Variants in PALD1 observed in about 807,000 individuals in gnomAD.
The protein encoded by PALD1 is phosphatase domain containing paladin 1.
PALD1 carries 57 observed loss-of-function variants against 96.0 expected under a neutral mutation model. The ratio of observed to expected loss-of-function variants is 0.59; its 90% CI spans 0.48 to 0.74. PALD1 has a LOEUF of 0.74. Among genes scored for constraint, PALD1 ranks in the 30% least tolerant of loss-of-function variants. The pLI is 0.00. For missense variants in PALD1, 1,063 were observed against 1,143.7 expected, an observed-to-expected ratio of 0.93 and a Z score of 1.02; for synonymous variants, 464 against 473.6, an observed-to-expected ratio of 0.98 and a Z score of 0.26.
rs548565635 is a variant in PALD1, at chr10:70,561,630, C to T, written c.2263-2734C>T. Among the ~76,000 whole-genome samples, 3 of 152,292 alleles carry T rather than the reference C, an allele frequency of 2.0e-5. No individual in the cohort carries two copies. The South Asian group carries it at 6.2e-4, about 32-fold the overall frequency. Reference sequence around the variant, plus strand: ...CTGTGGCAGCCATGGGCCATTCCCGCCCTCAAATCCCCAGAAACCCTCACT... The same window carrying T: ...CTGTGGCAGCCATGGGCCATTCCCGTCCTCAAATCCCCAGAAACCCTCACT... On this transcript the variant is annotated intron_variant, in intron 18 of 19. Transcript: ENST00000263563.
At chr10:70,489,024 C>T (rs921787294) in intron 1 of PALD1, among the ~76,000 whole-genome samples, 6 of 152,246 alleles carry the variant, frequency 3.9e-5, no homozygotes, top group South Asian at 2.1e-4. Flanking sequence ...GGCTTCTTCC[C>T]GTCTCTCTGA....
intron 1 of PALD1, among the ~76,000 whole-genome samples, chr10:70,488,354 G>T (rs1846045957): frequency 6.6e-6 from 1 of 152,040 alleles, no homozygotes; most frequent in Non-Finnish European, 1.5e-5. Context: ...CTCCTGGACT[G>T]AAGTGATCTG....
At position 70,538,317 on chromosome 10, in the gene PALD1, T is replaced by C; in HGVS notation, c.1361T>C (p.Leu454Pro). 1.2e-6 allele frequency: 2 copies of C among 1,606,278 alleles called. No individual in the cohort carries two copies. Among genetic ancestry groups the C allele is most frequent in the South Asian group, 1.1e-5 (1 of 91,080 alleles). Residue 454 changes from leucine to proline, a missense_variant, in exon 12 of 20, where the codon CTG becomes CCG. Leu to Pro is a moderately conservative substitution (Grantham distance 98). Coordinates refer to ENST00000263563, the MANE Select transcript of PALD1 (RefSeq NM_014431.3). ...LAFALSFSRW[L>P]CAHPELYRLP... ...TTTGCCCTCAGTTTCAGCCGCTGGC[T>C]GTGTGCCCACCCTGAGCTGTACCGC...
At chr10:70,508,784 C>CGTGTGTGTGTGTGTGT (rs111850326) in intron 1 of PALD1, among the ~76,000 whole-genome samples, 51 of 100,070 alleles carry the variant, frequency 5.1e-4, no homozygotes, top group Non-Finnish European at 7.9e-4. Context: ...CTCTGTATGG[C>CGTGTGTGTGTGTGTGT]GTGTGTGTGT....
At chr10:70,560,426 T>TAAACAAACAAAC (rs71472979) in intron 18 of PALD1, among the ~76,000 whole-genome samples, 5 of 151,664 alleles carry the variant, frequency 3.3e-5, no homozygotes, top group Admixed American at 6.6e-5. Flanking sequence ...AAGCATGTGC[T>TAAACAAACAAAC]AAACAAACAA....
chr10:70,546,198 C>T (rs1847358733), intron 17 of PALD1, among the ~76,000 whole-genome samples: 1 of 152,148 alleles, frequency 6.6e-6, no homozygotes, highest in Non-Finnish European at 1.5e-5. Flanking sequence ...GATCTCACCA[C>T]TACACTCCAG....
At chr10:70,500,438 C>A (rs1846272058) in intron 1 of PALD1, among the ~76,000 whole-genome samples, 1 of 152,178 alleles carries the variant, frequency 6.6e-6, no homozygotes, top group Non-Finnish European at 1.5e-5. Context: ...GCCTACCCCA[C>A]CTCATCCTAT....
chr10:70,491,572 G>A (rs1046194455), intron 1 of PALD1, among the ~76,000 whole-genome samples: 1 of 152,180 alleles, frequency 6.6e-6, no homozygotes. Context: ...TTATTCAGAT[G>A]ACCAGGGGAT....
At chr10:70,554,043 C>T (rs1045582329) in intron 18 of PALD1, among the ~76,000 whole-genome samples, 3 of 152,226 alleles carry the variant, frequency 2.0e-5, no homozygotes, top group Non-Finnish European at 2.9e-5. Context: ...CAGCCCACGG[C>T]GGTGCCCCTC....
chr10:70,551,347 C>T (rs1399663493), intron 18 of PALD1, among the ~76,000 whole-genome samples: 1 of 152,204 alleles, frequency 6.6e-6, no homozygotes, highest in Non-Finnish European at 1.5e-5. Context: ...GTTCTTTGCT[C>T]AGAGCCGGGT....
In PALD1 at chr10:70,529,231, A is replaced by G. The variant is rs370483190; in HGVS notation, c.188A>G (p.Tyr63Cys). ...PNKVAPVVIT[Y>C]NCKEEFQIHD... ...CTGCCCCCCCCCCCCCCCCCCAGGT[A>G]CAACTGCAAGGAGGAGTTCCAGATC... Residue 63 changes from tyrosine (Y) to cysteine (C), a missense_variant and splice_region_variant, in exon 3 of 20, where the codon TAC (tyrosine) becomes TGC (cysteine). Tyr to Cys is a radical substitution (Grantham distance 194, BLOSUM62 -2). Transcript: ENST00000263563. The G allele has an allele frequency of 5.1e-5, 19 of 370,570 alleles. No individual in the cohort carries two copies. Among genetic ancestry groups the G allele is most frequent in the Non-Finnish European group, 7.2e-5 (15 of 208,974 alleles). 23.0% of individuals were successfully genotyped at this position (370,570 alleles called of 1,614,324 possible).
chr10:70,557,182 C>T lies in PALD1; in HGVS notation c.2263-7182C>T, dbSNP rs146816876. Among the ~76,000 whole-genome samples the T allele has an allele frequency of 7.5e-3, 1,149 of 152,346 alleles. 20 individuals are homozygous for T. The highest frequency in any genetic ancestry group is 0.026 in the African/African-American group (1,071 of 41,576). ...GGAACCTTGGGCAAGTCACTTTGGC[C>T]TGCTGGACCCCTGTTTTTCCATCTG... On this transcript the variant is annotated intron_variant, in intron 18 of 19. Coordinates refer to ENST00000263563, the MANE Select transcript of PALD1 (RefSeq NM_014431.3).
At chr10:70,556,420 A>G (rs1847613669) in intron 18 of PALD1, among the ~76,000 whole-genome samples, 1 of 151,876 alleles carries the variant, frequency 6.6e-6, no homozygotes, top group African/African-American at 2.4e-5. Context: ...GGTTCAGGTG[A>G]TTCTCCTGCC....
chr10:70,530,282 C>T (rs184550388), intron 4 of PALD1, among the ~76,000 whole-genome samples: 129 of 152,256 alleles, frequency 8.5e-4, no homozygotes, highest in African/African-American at 2.6e-3. Flanking sequence ...GAGTGGATGG[C>T]GGGGCACAAG....
chr10:70,475,057 T>C (rs184836454), upstream of PALD1, among the ~76,000 whole-genome samples: 52 of 152,330 alleles, frequency 3.4e-4, no homozygotes, highest in African/African-American at 1.1e-3. Flanking sequence ...AGTAAGTACT[T>C]GCTGAGTGCC....
At chr10:70,534,880 C>A in intron 10 of PALD1, 37 bp downstream of exon 10, 1 of 1,331,964 alleles carries the variant, frequency 7.5e-7, no homozygotes, top group Non-Finnish European at 1.1e-6. Flanking sequence ...CTCTGCTTCT[C>A]TGTGAGCCCT....
At chr10:70,463,470 G>A in the PALD1 span, among the ~76,000 whole-genome samples, 5 of 152,098 alleles carry the variant, frequency 3.3e-5, no homozygotes, top group South Asian at 1.0e-3. Flanking sequence ...AGGAGAAAAG[G>A]TGGTGAGAGG....
chr10:70,532,500 G>A (rs987125995), intron 5 of PALD1, 121 bp from the exon 6 acceptor site: 3 of 956,884 alleles, frequency 3.1e-6, no homozygotes, highest in African/African-American at 3.3e-5. Flanking sequence ...GTTCCCTCAT[G>A]GGGGGCAGAA....
chr10:70,475,908 T>C (rs1255628864), upstream of PALD1, among the ~76,000 whole-genome samples: 1 of 152,234 alleles, frequency 6.6e-6, no homozygotes, highest in East Asian at 1.9e-4. Context: ...GTGCTTTGTG[T>C]GTGTGCTACA....
Sources: gnomAD v4.1 joint callset for allele counts (sites outside exome capture counted in the v4.1 genomes callset) on GRCh38, gnomAD v4.1.1 for gene constraint, MANE v1.5 for transcripts, NCBI Gene and HGNC (gene_info 2026-07-23, HGNC 2026-07-21) for gene names.